The following SLC24A3 variants were observed in gnomAD, a reference collection of about 807,000 sequenced individuals.
SLC24A3 encodes sodium/potassium/calcium exchanger 3.
In SLC24A3, 28 loss-of-function variants were observed where a neutral mutation model predicts 75.8. The observed-to-expected ratio is 0.37, with a 90% CI of 0.27 to 0.51. SLC24A3 has a LOEUF of 0.51. SLC24A3 is among the 20% of genes least tolerant of loss of function. SLC24A3 has a pLI of 0.94. For synonymous variants in SLC24A3, 372 were observed against 334.1 expected, an observed-to-expected ratio of 1.11 and a Z score of -1.24; for missense variants, 663 against 847.8, an observed-to-expected ratio of 0.78 and a Z score of 2.71.
chr20:19,688,250 T>G (rs2032702688), intron 12 of SLC24A3, among the ~76,000 whole-genome samples: 1 of 152,210 alleles, frequency 6.6e-6, no homozygotes, highest in Non-Finnish European at 1.5e-5. Context: ...ACGCTGCTGG[T>G]CTGTGTGCCA....
chr20:19,389,452 T>G (rs765590073), intron 2 of SLC24A3, among the ~76,000 whole-genome samples: 5 of 152,058 alleles, frequency 3.3e-5, no homozygotes, highest in Non-Finnish European at 5.9e-5. Context: ...AGTCCTTATC[T>G]CTCCTTAATT....
At chr20:19,258,573 G>C (rs528191580) in intron 1 of SLC24A3, among the ~76,000 whole-genome samples, 1 of 152,074 alleles carries the variant, frequency 6.6e-6, no homozygotes, top group Non-Finnish European at 1.5e-5. Flanking sequence ...TGTGGTGCAC[G>C]TGCCCATAAT....
intron 2 of SLC24A3, among the ~76,000 whole-genome samples, chr20:19,364,126 G>A (rs563840824): frequency 2.2e-4 from 33 of 152,264 alleles, no homozygotes; most frequent in African/African-American, 7.2e-4. Flanking sequence ...CTGGGGTGGT[G>A]GGTTTTATCG....
chr20:19,653,491 C>T (rs1270431437), intron 6 of SLC24A3, among the ~76,000 whole-genome samples: 1 of 152,238 alleles, frequency 6.6e-6, no homozygotes, highest in African/African-American at 2.4e-5. Flanking sequence ...GGCTTGTCCA[C>T]ACCCCTTCTG....
At chr20:19,346,395 G>A (rs1397140167) in intron 2 of SLC24A3, among the ~76,000 whole-genome samples, 5 of 138,862 alleles carry the variant, frequency 3.6e-5, no homozygotes, top group African/African-American at 5.3e-5. Flanking sequence ...TATATATATG[G>A]TGTATATATA....
At chr20:19,320,759 T>A (rs1238874308) in intron 2 of SLC24A3, among the ~76,000 whole-genome samples, 1 of 152,134 alleles carries the variant, frequency 6.6e-6, no homozygotes, top group Non-Finnish European at 1.5e-5. Flanking sequence ...TAATACCTAT[T>A]GCAATGTAAA....
At chr20:19,654,353 A>G (rs998028698) in intron 7 of SLC24A3, among the ~76,000 whole-genome samples, 1 of 152,056 alleles carries the variant, frequency 6.6e-6, no homozygotes, top group African/African-American at 2.4e-5. Context: ...GACTTGGGTT[A>G]TCTGGGTCTA....
intron 9 of SLC24A3, among the ~76,000 whole-genome samples, chr20:19,679,455 A>G (rs932715502): frequency 6.6e-6 from 1 of 151,264 alleles, no homozygotes; most frequent in Non-Finnish European, 1.5e-5. Flanking sequence ...TGGCAGCAGT[A>G]CAGTCCAGCT....
chr20:19,388,504 G>A lies in SLC24A3; in HGVS notation c.271+107417G>A, dbSNP rs147107368. On this transcript the variant is annotated intron_variant, in intron 2 of 16. Coordinates refer to ENST00000328041, the MANE Select transcript of SLC24A3 (RefSeq NM_020689.4). ...AGGCAGGTGGATCACCGGGTCAGGA[G>A]ATGAAGACCATCCTGGCTAACACGG... Among the ~76,000 whole-genome samples, 262 of 152,294 alleles carry A rather than the reference G, an allele frequency of 1.7e-3. 1 individual carries two copies. Among genetic ancestry groups the A allele is most frequent in the African/African-American group, 6.1e-3 (252 of 41,584 alleles).
chr20:19,352,622 A>C (rs1197915181), intron 2 of SLC24A3, among the ~76,000 whole-genome samples: 1 of 152,178 alleles, frequency 6.6e-6, no homozygotes, highest in African/African-American at 2.4e-5. Flanking sequence ...TTGGAATTTG[A>C]ACTCAGATCC....
chr20:19,275,727 T>C (rs900417819), intron 1 of SLC24A3, among the ~76,000 whole-genome samples: 2 of 152,112 alleles, frequency 1.3e-5, no homozygotes, highest in African/African-American at 4.8e-5. Flanking sequence ...CAGCCTCACT[T>C]TGTGTCCTTC....
In SLC24A3 at chr20:19,513,907, TTG is replaced by T. The variant is rs151212726; in HGVS notation, c.272-1569_272-1568del. On this transcript the variant is annotated intron_variant, in intron 2 of 16. Coordinates refer to ENST00000328041, the MANE Select transcript of SLC24A3 (RefSeq NM_020689.4). ...ATAGTTATCATTTATGTGTGTGTGT[TTG>T]TGTGTGTGTGTAGTGAGAAGATTTA... Among the ~76,000 whole-genome samples the T allele has an allele frequency of 4.3e-3, 648 of 151,888 alleles. 4 individuals are homozygous for T. Among genetic ancestry groups the T allele is most frequent in the African/African-American group, 0.015 (606 of 41,436 alleles).
chr20:19,519,878 A>C (rs2030069030), intron 3 of SLC24A3, among the ~76,000 whole-genome samples: 1 of 152,230 alleles, frequency 6.6e-6, no homozygotes, highest in Admixed American at 6.5e-5. Flanking sequence ...AGAGTCTTTA[A>C]ATCATCAATA....
At chr20:19,245,570 C>T (rs1245646042) in intron 1 of SLC24A3, among the ~76,000 whole-genome samples, 3 of 151,976 alleles carry the variant, frequency 2.0e-5, no homozygotes, top group African/African-American at 4.8e-5. Context: ...TAAGATAATA[C>T]ATTCACAACA....
intron 2 of SLC24A3, among the ~76,000 whole-genome samples, chr20:19,412,298 A>G (rs1986755633): frequency 6.6e-6 from 1 of 152,210 alleles, no homozygotes; most frequent in Non-Finnish European, 1.5e-5. Flanking sequence ...ACAGAACTGT[A>G]AATTCATGGA....
At position 19,639,613 on chromosome 20, in the gene SLC24A3, C is replaced by T. The variant is rs944043911; in HGVS notation, c.613-14449C>T. Among the ~76,000 whole-genome samples the T allele has an allele frequency of 9.2e-5, 14 of 152,248 alleles. No homozygotes were observed. In the East Asian group the frequency reaches 9.7e-4, roughly 11 times the overall value. On this transcript the variant is annotated intron_variant, in intron 6 of 16. Transcript: ENST00000328041. ...CTGCAGGTGGAGGTGCCTGCCAGTC[C>T]GGCGCGCTGTGCAGCCGCACTCCTC...
chr20:19,617,809 G>C (rs1223238664), intron 6 of SLC24A3, among the ~76,000 whole-genome samples: 1 of 152,086 alleles, frequency 6.6e-6, no homozygotes, highest in Non-Finnish European at 1.5e-5. Context: ...AAGAATAGTG[G>C]TGTCCCAGCA....
At chr20:19,432,192 C>G (rs1231969398) in intron 2 of SLC24A3, among the ~76,000 whole-genome samples, 1 of 151,382 alleles carries the variant, frequency 6.6e-6, no homozygotes, top group Non-Finnish European at 1.5e-5. Context: ...AAAGCCAACC[C>G]CCAATGCGGG....
intron 2 of SLC24A3, among the ~76,000 whole-genome samples, chr20:19,356,256 C>T (rs1243786973): frequency 6.6e-6 from 1 of 152,188 alleles, no homozygotes; most frequent in Non-Finnish European, 1.5e-5. Context: ...ATTTTGAAAT[C>T]CCCTGCAGAC....
Sources: allele counts gnomAD v4.1 joint callset (sites outside exome capture counted in the v4.1 genomes callset), GRCh38; gene constraint gnomAD v4.1.1; transcripts MANE v1.5; gene names NCBI Gene and HGNC (gene_info 2026-07-23, HGNC 2026-07-21).